Variants in LRRC4C observed in about 807,000 individuals in gnomAD.
LRRC4C encodes the protein leucine-rich repeat-containing protein 4C.
Under a neutral mutation model 33.6 loss-of-function variants are expected in LRRC4C, and 5 were observed. That is an observed-to-expected ratio of 0.15 (90% confidence interval 0.08 to 0.31). The LOEUF (loss-of-function observed/expected upper bound fraction) is 0.31. Among genes scored for constraint, LRRC4C ranks in the 10% least tolerant of loss-of-function variants. LRRC4C has a pLI of 1.00. For missense variants in LRRC4C, 560 were observed against 796.7 expected, an observed-to-expected ratio of 0.70 and a Z score of 3.58; for synonymous variants, 329 against 302.0, an observed-to-expected ratio of 1.09 and a Z score of -0.93.
chr11:40,899,989 C>T (rs1424040085), intron 2 of LRRC4C, among the ~76,000 whole-genome samples: 2 of 152,068 alleles, frequency 1.3e-5, no homozygotes, highest in Non-Finnish European at 2.9e-5. Flanking sequence ...TCTTTTGCCC[C>T]ATGGTTTTAG....
chr11:40,835,689 A>G (rs1952639092), intron 2 of LRRC4C, among the ~76,000 whole-genome samples: 1 of 152,168 alleles, frequency 6.6e-6, no homozygotes, highest in African/African-American at 2.4e-5. Context: ...AGATATCACA[A>G]AGAAAGACAT....
chr11:40,691,692 A>C (rs541226956), intron 2 of LRRC4C, among the ~76,000 whole-genome samples: 1 of 152,124 alleles, frequency 6.6e-6, no homozygotes, highest in African/African-American at 2.4e-5. Context: ...ACAAATCTGA[A>C]GAAGAATAAA....
At chr11:40,122,986 C>CACAT (rs746283980) in intron 6 of LRRC4C, among the ~76,000 whole-genome samples, 3 of 100,758 alleles carry the variant, frequency 3.0e-5, no homozygotes, top group African/African-American at 1.3e-4. Flanking sequence ...CACACACACA[C>CACAT]ATATATACTA....
intron 1 of LRRC4C, among the ~76,000 whole-genome samples, chr11:41,000,006 A>AG (rs1457295661): frequency 3.3e-5 from 5 of 152,172 alleles, no homozygotes; most frequent in African/African-American, 1.2e-4. Flanking sequence ...CTGGAGAACA[A>AG]GGGTGAGAAA....
chr11:40,510,223 A>C (rs1431094599), intron 3 of LRRC4C, among the ~76,000 whole-genome samples: 1 of 148,442 alleles, frequency 6.7e-6, no homozygotes, highest in African/African-American at 2.5e-5. Flanking sequence ...ATATATATAT[A>C]TCTCATATAT....
chr11:40,588,933 C>T (rs546297356), intron 3 of LRRC4C, among the ~76,000 whole-genome samples: 2,563 of 152,036 alleles, frequency 0.017, 90 homozygotes, highest in African/African-American at 0.058. Context: ...TGGTGTGGTG[C>T]TGAAAAAAAT....
At chr11:40,998,261 TAAAAAAAA>T (rs3075559) in intron 1 of LRRC4C, among the ~76,000 whole-genome samples, 88,842 of 149,248 alleles carry the variant, frequency 0.6, 26,268 homozygotes, top group South Asian at 0.67. Context: ...TCCCAGAACT[TAAAAAAAA>T]AAAAAGGACA....
rs143906626 is a variant in LRRC4C, at chr11:40,897,405, G to A, written c.-407+36230C>T. 2.2e-4 allele frequency among the ~76,000 whole-genome samples: 34 copies of A among 152,260 alleles called. 1 individual carries two copies. The East Asian group carries it at 6.6e-3, about 29-fold the overall frequency. Reference sequence around the variant, plus strand: ...TTAATTGAAACATGAGTCAAAGAAAGCAAGTCATGAAGTCTAAATTAATGG... The same window carrying A: ...TTAATTGAAACATGAGTCAAAGAAAACAAGTCATGAAGTCTAAATTAATGG... On this transcript the variant is annotated intron_variant, in intron 2 of 6. Coordinates refer to ENST00000528697, the MANE Select transcript of LRRC4C (RefSeq NM_001258419.2).
At chr11:41,276,030 G>A (rs950533383) in intron 1 of LRRC4C, among the ~76,000 whole-genome samples, 1 of 152,112 alleles carries the variant, frequency 6.6e-6, no homozygotes, top group Non-Finnish European at 1.5e-5. Context: ...TTTTTAAAGT[G>A]GGGAGGTGAA....
At chr11:41,368,252 C>T (rs11036372) in intron 1 of LRRC4C, among the ~76,000 whole-genome samples, 27,075 of 152,070 alleles carry the variant, frequency 0.18, 2,700 homozygotes, top group East Asian at 0.42. Flanking sequence ...GAATGAGATA[C>T]ACCCATTATT....
intron 3 of LRRC4C, among the ~76,000 whole-genome samples, chr11:40,448,485 G>A (rs1288588924): frequency 4.6e-5 from 7 of 152,118 alleles, no homozygotes; most frequent in African/African-American, 9.6e-5. Context: ...CCATGTATGA[G>A]TGAGAACATG....
At chr11:40,205,484 AT>A (rs945225381) in intron 5 of LRRC4C, among the ~76,000 whole-genome samples, 1 of 151,954 alleles carries the variant, frequency 6.6e-6, no homozygotes, top group Non-Finnish European at 1.5e-5. Context: ...ATAGCTAGTA[AT>A]TTTTTTTCTA....
chr11:40,417,590 G>T (rs1950374574), intron 3 of LRRC4C, among the ~76,000 whole-genome samples: 1 of 151,880 alleles, frequency 6.6e-6, no homozygotes, highest in East Asian at 1.9e-4. Flanking sequence ...GACTTCAAGT[G>T]ATCTACCTAC....
chr11:40,815,200 G>A (rs777690965), intron 2 of LRRC4C, among the ~76,000 whole-genome samples: 15 of 152,148 alleles, frequency 9.9e-5, no homozygotes, highest in Non-Finnish European at 1.8e-4. Flanking sequence ...AATGAGGAGC[G>A]AAGTCATGTC....
At position 41,331,165 on chromosome 11, in the gene LRRC4C, T is replaced by C. The variant is rs188098355; in HGVS notation, c.-496+128266A>G. Among the ~76,000 whole-genome samples, 309 of 152,232 alleles carry C rather than the reference T, an allele frequency of 2.0e-3. 3 individuals are homozygous for C. The highest frequency in any genetic ancestry group is 6.6e-3 in the African/African-American group (273 of 41,552). The stretch of plus-strand genomic sequence containing the variant: ...TAAACAAACACAAATCCAAAAATAA[T>C]TACAGTTCATGCAATTCTCCCTCAG... On this transcript the variant is annotated intron_variant, in intron 1 of 6. Transcript: ENST00000528697.
chr11:41,165,896 TG>T (rs1464346562), intron 1 of LRRC4C, among the ~76,000 whole-genome samples: 1 of 151,888 alleles, frequency 6.6e-6, no homozygotes, highest in Non-Finnish European at 1.5e-5. Flanking sequence ...CTGGGCATGG[TG>T]GTGGGTGCCT....
intron 3 of LRRC4C, among the ~76,000 whole-genome samples, chr11:40,627,205 A>G (rs1963024359): frequency 6.6e-6 from 1 of 151,144 alleles, no homozygotes; most frequent in African/African-American, 2.4e-5. Flanking sequence ...AGATAACAGT[A>G]TGACTACCTA....
chr11:40,913,093 T>A (rs1956775491), intron 2 of LRRC4C, among the ~76,000 whole-genome samples: 1 of 152,068 alleles, frequency 6.6e-6, no homozygotes, highest in Non-Finnish European at 1.5e-5. Flanking sequence ...CACACAATAA[T>A]AATGGGAGAC....
intron 5 of LRRC4C, among the ~76,000 whole-genome samples, chr11:40,198,475 T>C (rs1404023471): frequency 1.3e-5 from 2 of 152,224 alleles, no homozygotes; most frequent in Non-Finnish European, 1.5e-5. Flanking sequence ...ATAATATCAA[T>C]GCAAATATTC....
Sources: allele counts gnomAD v4.1 joint callset (sites outside exome capture counted in the v4.1 genomes callset), GRCh38; gene constraint gnomAD v4.1.1; transcripts MANE v1.5; gene names NCBI Gene and HGNC (gene_info 2026-07-23, HGNC 2026-07-21).